Variants in ARHGAP18 observed in about 807,000 individuals in gnomAD.
ARHGAP18 encodes rho GTPase-activating protein 18.
In ARHGAP18, 67 loss-of-function variants were observed where a neutral mutation model predicts 86.2. The ratio of observed to expected loss-of-function variants is 0.78; its 90% CI spans 0.64 to 0.95. The LOEUF (loss-of-function observed/expected upper bound fraction) is 0.95, where lower values mean the gene tolerates loss of function less well. ARHGAP18 is among the 40% of genes least tolerant of loss of function. ARHGAP18 has a pLI of 0.00. For missense variants in ARHGAP18, 691 were observed against 780.4 expected, an observed-to-expected ratio of 0.89 and a Z score of 1.37; for synonymous variants, 283 against 280.4, an observed-to-expected ratio of 1.01 and a Z score of -0.09.
chr6:129,618,578 T>C, intron 6 of ARHGAP18, 109 bp downstream of exon 6: 1 of 1,010,322 alleles, frequency 9.9e-7, no homozygotes, highest in Non-Finnish European at 1.4e-6. Flanking sequence ...ATTCAAGTGT[T>C]GGTTTATTTT....
At position 129,578,564 on chromosome 6, in the gene ARHGAP18, TA is replaced by T; in HGVS notation, c.1940del (p.Leu647TyrfsTer12). ...CLDDDTYMKDLYQLNPNAEWV... is the reference protein window; with the variant it reads ...CLDDDTYMKDXYQLNPNAEWV... ...ACTCAGCATTTGGGTTAAGCTGATA[TA>T]AATCCTTCATGTAAGTGTCATCATC... is the stretch of plus-strand genomic sequence containing the variant. On this transcript the variant is annotated frameshift_variant, in exon 15 of 15. Coordinates refer to ENST00000368149, the MANE Select transcript of ARHGAP18 (RefSeq NM_033515.3). LOFTEE classifies it high-confidence loss of function. 6.2e-7 allele frequency: 1 copy of T among 1,612,438 alleles called. No individual in the cohort carries two copies. The highest frequency in any genetic ancestry group is 8.5e-7 in the Non-Finnish European group (1 of 1,178,962).
intron 5 of ARHGAP18, among the ~76,000 whole-genome samples, chr6:129,626,065 T>TAC (rs71028169): frequency 0.16 from 16,405 of 101,344 alleles, 1,304 homozygotes; most frequent in East Asian, 0.2. Context: ...TATACACATA[T>TAC]ACACACACAC....
chr6:129,614,060 A>G (rs1286793661), intron 7 of ARHGAP18, among the ~76,000 whole-genome samples: 1 of 152,214 alleles, frequency 6.6e-6, no homozygotes, highest in African/African-American at 2.4e-5. Flanking sequence ...AATTAACAAT[A>G]TTTCTATTTC....
chr6:129,635,170 A>G (rs1330650853), intron 3 of ARHGAP18, among the ~76,000 whole-genome samples: 1 of 152,228 alleles, frequency 6.6e-6, no homozygotes, highest in African/African-American at 2.4e-5. Flanking sequence ...AGGTCTATTC[A>G]AATTATTTTA....
chr6:129,584,129 A>G lies in ARHGAP18; in HGVS notation c.1714-17T>C, dbSNP rs751542484. ...AACGTCAGCCTGCAAAGCAATAATGACACTGGAACAAAGCTGGCAGCAGCT... is the reference window on the plus strand; with the variant it reads ...AACGTCAGCCTGCAAAGCAATAATGGCACTGGAACAAAGCTGGCAGCAGCT... On this transcript the variant is annotated splice_polypyrimidine_tract_variant and intron_variant, in intron 12 of 14. Transcript: ENST00000368149. 1.2e-6 allele frequency: 2 copies of G among 1,613,088 alleles called. No individual in the cohort carries two copies. Among genetic ancestry groups the G allele is most frequent in the East Asian group, 4.5e-5 (2 of 44,790 alleles).
chr6:129,679,007 A>G (rs189240690), intron 1 of ARHGAP18, among the ~76,000 whole-genome samples: 1 of 152,286 alleles, frequency 6.6e-6, no homozygotes, highest in Non-Finnish European at 1.5e-5. Flanking sequence ...TTTGGCTTCA[A>G]TGCTTATTTT....
chr6:129,623,177 A>G (rs1017477580), intron 5 of ARHGAP18, among the ~76,000 whole-genome samples: 2 of 152,200 alleles, frequency 1.3e-5, no homozygotes, highest in Admixed American at 1.3e-4. Context: ...ATCACTAATA[A>G]TAAACTTGAC....
chr6:129,615,563 G>A (rs1426228348), intron 7 of ARHGAP18, among the ~76,000 whole-genome samples: 1 of 152,210 alleles, frequency 6.6e-6, no homozygotes, highest in Non-Finnish European at 1.5e-5. Context: ...TGCCTGGGCT[G>A]CTGCAAAGAA....
chr6:129,609,272 T>C (rs1251782112), intron 8 of ARHGAP18, among the ~76,000 whole-genome samples: 1 of 152,158 alleles, frequency 6.6e-6, no homozygotes, highest in Non-Finnish European at 1.5e-5. Flanking sequence ...ATCTTTTAAA[T>C]TATTTATAAT....
intron 5 of ARHGAP18, among the ~76,000 whole-genome samples, chr6:129,623,398 C>A (rs939726720): frequency 6.6e-6 from 1 of 152,038 alleles, no homozygotes; most frequent in Non-Finnish European, 1.5e-5. Flanking sequence ...CACTAAGTAG[C>A]TAAATTTTCA....
rs946205162 is a variant in ARHGAP18 at position 129,593,608 on chromosome 6, G to C, written c.1713+5608C>G. 2.6e-5 allele frequency among the ~76,000 whole-genome samples: 4 copies of C among 152,110 alleles called. No homozygotes were observed. In the East Asian group the frequency reaches 7.7e-4, roughly 29 times the overall value. ...GTAAAATGACTTGTCACACTCACTC[G>C]TGGCAGAGCTGGGGCTATATCCTCA... On this transcript the variant is annotated intron_variant, in intron 12 of 14. Transcript: ENST00000368149.
intron 11 of ARHGAP18, 74 bp downstream of exon 11, chr6:129,600,568 A>G (rs1788716006): frequency 1.6e-6 from 2 of 1,268,972 alleles, no homozygotes; most frequent in African/African-American, 1.5e-5. Context: ...TTAAATGTAA[A>G]TTAATAAAGC....
At chr6:129,701,419 G>C (rs1774708557) in intron 1 of ARHGAP18, among the ~76,000 whole-genome samples, 2 of 152,160 alleles carry the variant, frequency 1.3e-5, no homozygotes, top group African/African-American at 4.8e-5. Context: ...AAGCTGCCTG[G>C]GGTTGTACTA....
intron 4 of ARHGAP18, among the ~76,000 whole-genome samples, chr6:129,633,101 A>C (rs1029503364): frequency 6.6e-6 from 1 of 152,118 alleles, no homozygotes; most frequent in Non-Finnish European, 1.5e-5. Flanking sequence ...AATAGCTATA[A>C]ATTCTCTCTT....
intron 7 of ARHGAP18, 82 bp downstream of exon 7, chr6:129,616,130 C>A: frequency 9.1e-7 from 1 of 1,103,820 alleles, no homozygotes. Context: ...AATTGGAAAA[C>A]TGTATTATAA....
In ARHGAP18 at chr6:129,618,621, C is replaced by CA; in HGVS notation, c.952+65dup. ...TTTTCCCTGTCTCCCAGAAATACTG[C>CA]AAAAAAGCCAAGTCCATCCTTGCTA... On this transcript the variant is annotated intron_variant, in intron 6 of 14. Transcript: ENST00000368149. 5 of 1,459,572 alleles carry CA rather than the reference C, an allele frequency of 3.4e-6. No individual in the cohort carries two copies. In the South Asian group the frequency reaches 5.6e-5, roughly 16 times the overall value. 90.4% of individuals were successfully genotyped at this position (1,459,572 alleles called of 1,614,324 possible).
At chr6:129,646,137 G>T (rs543931772) in intron 1 of ARHGAP18, among the ~76,000 whole-genome samples, 50 of 152,292 alleles carry the variant, frequency 3.3e-4, no homozygotes, top group African/African-American at 1.2e-3. Flanking sequence ...AATGCAGTCA[G>T]CTCAGTCAGC....
chr6:129,663,446 TC>T (rs1474132652), intron 1 of ARHGAP18, among the ~76,000 whole-genome samples: 2 of 152,218 alleles, frequency 1.3e-5, no homozygotes, highest in Non-Finnish European at 2.9e-5. Context: ...GCATCCTGTT[TC>T]CTACGCCCCA....
rs765965041 is a variant in ARHGAP18 at position 129,618,803 on chromosome 6, A to T, written c.836T>A (p.Leu279His). 6.2e-7 allele frequency: 1 copy of T among 1,613,572 alleles called. No homozygotes were observed. Among genetic ancestry groups the T allele is most frequent in the Admixed American group, 1.7e-5 (1 of 60,012 alleles). ...DKTGTTRIGD[L>H]APQDMKKVCH... ...AACTTTCTTCATGTCCTGGGGTGCGAGGTCACCAATCCTTGTGGTACCCGT... is the reference window on the plus strand; with the variant it reads ...AACTTTCTTCATGTCCTGGGGTGCGTGGTCACCAATCCTTGTGGTACCCGT... The change falls in exon 6 of 15, where the codon CTC (leucine) becomes CAC (histidine). Residue 279 changes from leucine (L) to histidine (H), a missense_variant. Coordinates refer to ENST00000368149, the MANE Select transcript of ARHGAP18 (RefSeq NM_033515.3).
Sources: gnomAD v4.1 joint callset for allele counts (sites outside exome capture counted in the v4.1 genomes callset) on GRCh38, gnomAD v4.1.1 for gene constraint, MANE v1.5 for transcripts, NCBI Gene and HGNC (gene_info 2026-07-23, HGNC 2026-07-21) for gene names.